Variants in TENM3 observed in about 807,000 individuals in gnomAD.
TENM3 encodes teneurin-3.
A neutral mutation model predicts 255.1 loss-of-function variants in TENM3; 63 were observed. That is an observed-to-expected ratio of 0.25 (90% CI 0.20 to 0.30). The LOEUF (loss-of-function observed/expected upper bound fraction) is 0.30, where lower values mean the gene tolerates loss of function less well. Among genes scored for constraint, TENM3 ranks in the 10% least tolerant of loss-of-function variants. TENM3 has a pLI of 1.00. For synonymous variants in TENM3, 1,306 were observed against 1,322.3 expected, an observed-to-expected ratio of 0.99 and a Z score of 0.27; for missense variants, 2,929 against 3,461.1, an observed-to-expected ratio of 0.85 and a Z score of 3.86.
At chr4:182,177,552 T>C (rs866973964) in intron 1 of TENM3, among the ~76,000 whole-genome samples, 1 of 151,894 alleles carries the variant, frequency 6.6e-6, no homozygotes, top group Non-Finnish European at 1.5e-5. Context: ...CTTTGATTCA[T>C]TATTGAAATG....
chr4:182,632,661 T>C (rs1001432709), intron 5 of TENM3, among the ~76,000 whole-genome samples: 1 of 152,168 alleles, frequency 6.6e-6, no homozygotes, highest in South Asian at 2.1e-4. Context: ...TCACATGTTA[T>C]GTACTTCTCC....
intron 19 of TENM3, chr4:182,744,093 CTTTTTTTTTTT>C (rs957977132): frequency 1.1e-5 from 5 of 451,900 alleles, no homozygotes; most frequent in East Asian, 2.3e-4. Context: ...ACTGTGCTTT[CTTTTTTTTTTT>C]TTTTTTTTTT....
chr4:181,811,602 G>C, the TENM3 span, among the ~76,000 whole-genome samples: 1 of 152,186 alleles, frequency 6.6e-6, no homozygotes, highest in South Asian at 2.1e-4. Flanking sequence ...CACATGGCTG[G>C]GGAGGCCTCA....
At chr4:182,298,374 G>T (rs145510269) in intron 1 of TENM3, among the ~76,000 whole-genome samples, 172 of 152,298 alleles carry the variant, frequency 1.1e-3, no homozygotes, top group Non-Finnish European at 1.8e-3. Flanking sequence ...GACACTCCAA[G>T]CTCCTCAGAG....
chr4:181,622,444 G>A, the TENM3 span, among the ~76,000 whole-genome samples: 2 of 152,176 alleles, frequency 1.3e-5, no homozygotes, highest in Admixed American at 1.3e-4. Flanking sequence ...GGGAGGCTGA[G>A]GCAGGTGAAT....
chr4:182,450,711 G>T (rs1773385596), intron 3 of TENM3, among the ~76,000 whole-genome samples: 1 of 152,154 alleles, frequency 6.6e-6, no homozygotes, highest in South Asian at 2.1e-4. Context: ...TAAAAAATTG[G>T]CTGTGAAAGA....
At chr4:181,887,623 A>G in the TENM3 span, among the ~76,000 whole-genome samples, 59 of 152,288 alleles carry the variant, frequency 3.9e-4, no homozygotes, top group Non-Finnish European at 6.9e-4. Flanking sequence ...TTCTTCCGAC[A>G]TTCTTCACGA....
rs533890240 is a variant in TENM3, at chr4:182,694,530, A to G, written c.2221+6179A>G. On this transcript the variant is annotated intron_variant, in intron 12 of 27. Coordinates refer to ENST00000511685, the MANE Select transcript of TENM3 (RefSeq NM_001080477.4). ...TATTGAGCTACATTGATTTTCATGTACTTTTAGGCAGTTCACTTGGAAATT... is the reference window on the plus strand; with the variant it reads ...TATTGAGCTACATTGATTTTCATGTGCTTTTAGGCAGTTCACTTGGAAATT... Among the ~76,000 whole-genome samples, 30 of 152,332 alleles carry G rather than the reference A, an allele frequency of 2.0e-4. 1 individual carries two copies. In the South Asian group the frequency reaches 3.3e-3, roughly 17 times the overall value.
the TENM3 span, among the ~76,000 whole-genome samples, chr4:181,546,531 C>A: frequency 1.3e-5 from 2 of 148,906 alleles, no homozygotes; most frequent in African/African-American, 2.5e-5. Flanking sequence ...CTGGCTAACA[C>A]GGTGAAACCC....
chr4:181,612,518 G>A, the TENM3 span, among the ~76,000 whole-genome samples: 184 of 151,724 alleles, frequency 1.2e-3, 1 homozygote, highest in African/African-American at 4.4e-3. Context: ...GTGTGTGTGT[G>A]TGTGTCAGAG....
At chr4:181,460,096 G>C in the TENM3 span, among the ~76,000 whole-genome samples, 1 of 151,754 alleles carries the variant, frequency 6.6e-6, no homozygotes, top group Non-Finnish European at 1.5e-5. Flanking sequence ...TGGTATTGTA[G>C]TATAAATTCC....
intron 4 of TENM3, among the ~76,000 whole-genome samples, chr4:182,602,897 A>G (rs1326324022): frequency 1.3e-5 from 2 of 152,240 alleles, no homozygotes; most frequent in Non-Finnish European, 2.9e-5. Context: ...ATTGTAGTTG[A>G]CAATAATTGT....
intron 6 of TENM3, among the ~76,000 whole-genome samples, chr4:182,664,254 A>G (rs1754461097): frequency 1.3e-5 from 2 of 152,122 alleles, no homozygotes; most frequent in African/African-American, 2.4e-5. Flanking sequence ...AAATATTTCA[A>G]ACTTTTTCAT....
At chr4:181,591,265 A>G in the TENM3 span, among the ~76,000 whole-genome samples, 1 of 152,236 alleles carries the variant, frequency 6.6e-6, no homozygotes, top group Non-Finnish European at 1.5e-5. Flanking sequence ...ACTCACACAC[A>G]TGACTGATGG....
the TENM3 span, among the ~76,000 whole-genome samples, chr4:182,013,136 C>A: frequency 6.6e-6 from 1 of 152,118 alleles, no homozygotes; most frequent in Non-Finnish European, 1.5e-5. Context: ...TGTTTAATTC[C>A]GAAACTGCAT....
At chr4:181,905,172 T>C in the TENM3 span, among the ~76,000 whole-genome samples, 1 of 152,208 alleles carries the variant, frequency 6.6e-6, no homozygotes, top group Non-Finnish European at 1.5e-5. Flanking sequence ...TTTTCCCTAT[T>C]CTTCTGTCTT....
the TENM3 span, among the ~76,000 whole-genome samples, chr4:181,719,026 G>A: frequency 6.6e-6 from 1 of 151,584 alleles, no homozygotes; most frequent in Non-Finnish European, 1.5e-5. Context: ...CTAACAAGGT[G>A]AAACCCCGTC....
At chr4:181,922,202 G>T in the TENM3 span, among the ~76,000 whole-genome samples, 4 of 151,846 alleles carry the variant, frequency 2.6e-5, no homozygotes, top group Non-Finnish European at 5.9e-5. Flanking sequence ...TCTCTTTTTT[G>T]GTTGTGTCTC....
At chr4:182,267,372 G>A (rs1008571327) in intron 1 of TENM3, among the ~76,000 whole-genome samples, 5 of 152,082 alleles carry the variant, frequency 3.3e-5, no homozygotes, top group Non-Finnish European at 7.4e-5. Context: ...TTTGTAACAG[G>A]ACACAATTGG....
Sources: allele counts gnomAD v4.1 joint callset (sites outside exome capture counted in the v4.1 genomes callset), GRCh38; gene constraint gnomAD v4.1.1; transcripts MANE v1.5; gene names NCBI Gene and HGNC (gene_info 2026-07-23, HGNC 2026-07-21).